The following ADAM32 variants were observed in gnomAD, a reference collection of about 807,000 sequenced individuals.
The protein encoded by ADAM32 is disintegrin and metalloproteinase domain-containing protein 32.
In ADAM32, 89 loss-of-function variants were observed where a neutral mutation model predicts 114.9. The observed-to-expected ratio is 0.77, with a 90% confidence interval of 0.65 to 0.92. ADAM32 has a LOEUF of 0.92. ADAM32 is among the 40% of genes least tolerant of loss of function. The pLI, the probability that ADAM32 is intolerant of heterozygous loss-of-function variation, is 0.00. For missense variants in ADAM32, 870 were observed against 932.8 expected (o/e 0.93, Z 0.88); for synonymous variants, 285 against 307.5 (o/e 0.93, Z 0.77).
At chr8:39,216,550 A>G (rs1180147314) in intron 12 of ADAM32, among the ~76,000 whole-genome samples, 1 of 150,670 alleles carries the variant, frequency 6.6e-6, no homozygotes, top group Non-Finnish European at 1.5e-5. Context: ...CATTTTAGTA[A>G]AGGTGATTTT....
chr8:39,107,830 CCCGGTGAG>C lies in ADAM32; in HGVS notation c.58_58+7del. 3 of 1,545,198 alleles carry C rather than the reference CCCGGTGAG, an allele frequency of 1.9e-6. No individual in the cohort carries two copies. The highest frequency in any genetic ancestry group is 2.6e-6 in the Non-Finnish European group (3 of 1,144,380). On this transcript the variant is annotated splice_donor_variant and splice_donor_5th_base_variant and coding_sequence_variant and intron_variant, in exon 1 of 25. Transcript: ENST00000379907. LOFTEE classifies it high-confidence loss of function. ...GCTCTGCGGCCTCCTGGCGTCAAGA[CCCGGTGAG>C]CCAGCCCAGACCCTGACACTAGTCC... is the stretch of plus-strand genomic sequence containing the variant.
At chr8:39,174,043 T>C (rs1382189940) in intron 10 of ADAM32, among the ~76,000 whole-genome samples, 1 of 152,228 alleles carries the variant, frequency 6.6e-6, no homozygotes, top group African/African-American at 2.4e-5. Context: ...CAGGCTGGTC[T>C]CCAACTCCTG....
chr8:39,236,967 A>G (rs1040629413), intron 16 of ADAM32, among the ~76,000 whole-genome samples: 2 of 152,180 alleles, frequency 1.3e-5, no homozygotes, highest in African/African-American at 2.4e-5. Context: ...TAAAGAATTC[A>G]CAGACCCTTC....
chr8:39,235,025 A>G (rs1016931755), intron 16 of ADAM32, among the ~76,000 whole-genome samples: 2 of 151,456 alleles, frequency 1.3e-5, no homozygotes, highest in African/African-American at 2.4e-5. Context: ...CTGACTCTTC[A>G]TTCCTGTGTC....
rs557488667 is a variant in ADAM32 at position 39,180,145 on chromosome 8, C to T, written c.916-6764C>T. Among the ~76,000 whole-genome samples the T allele has an allele frequency of 2.2e-4, 33 of 152,296 alleles. No homozygotes were observed. The South Asian group carries it at 3.9e-3, about 18-fold the overall frequency. On this transcript the variant is annotated intron_variant, in intron 10 of 24. Transcript: ENST00000379907. ...GGCGCGAGTGGGAACTGGGGCTGCGCGCAGCGCTTGCGGGCCAGCTGGAGT... is the reference window on the plus strand; with the variant it reads ...GGCGCGAGTGGGAACTGGGGCTGCGTGCAGCGCTTGCGGGCCAGCTGGAGT...
At chr8:39,233,394 A>T (rs992623641) in intron 15 of ADAM32, among the ~76,000 whole-genome samples, 1 of 152,190 alleles carries the variant, frequency 6.6e-6, no homozygotes, top group Non-Finnish European at 1.5e-5. Flanking sequence ...TGGCATTTGT[A>T]AACTGTCATG....
chr8:39,143,684 A>T (rs1325513234), intron 3 of ADAM32, among the ~76,000 whole-genome samples: 2 of 152,122 alleles, frequency 1.3e-5, no homozygotes, highest in African/African-American at 4.8e-5. Flanking sequence ...CCACTTGAGG[A>T]GGCAGTCTGT....
At chr8:39,219,248 C>G (rs1317129215) in intron 12 of ADAM32, among the ~76,000 whole-genome samples, 1 of 152,122 alleles carries the variant, frequency 6.6e-6, no homozygotes, top group Non-Finnish European at 1.5e-5. Flanking sequence ...CAAGTGTTCT[C>G]TTAGCTTCCC....
intron 1 of ADAM32, among the ~76,000 whole-genome samples, chr8:39,116,772 T>C (rs1260311934): frequency 1.3e-5 from 2 of 152,194 alleles, no homozygotes; most frequent in East Asian, 3.8e-4. Flanking sequence ...TCTAGCGCTA[T>C]GTTGAATGGG....
At chr8:39,119,234 G>A (rs1406890119) in intron 2 of ADAM32, among the ~76,000 whole-genome samples, 1 of 152,152 alleles carries the variant, frequency 6.6e-6, no homozygotes, top group Non-Finnish European at 1.5e-5. Flanking sequence ...ATTCTTAGGA[G>A]TGAAATTGCT....
rs932538097 is a variant in ADAM32, at chr8:39,215,575, T to C, written c.1233+4251T>C. On this transcript the variant is annotated intron_variant, in intron 12 of 24. Coordinates refer to ENST00000379907, the MANE Select transcript of ADAM32 (RefSeq NM_145004.7). The stretch of plus-strand genomic sequence containing the variant: ...TTTTGCTCTATCCCATAGGTTTTGG[T>C]ATGTTGTATTTCCATTATCATTTGT... 5.9e-5 allele frequency among the ~76,000 whole-genome samples: 9 copies of C among 152,090 alleles called. No homozygotes were observed. In the East Asian group the frequency reaches 1.3e-3, roughly 23 times the overall value.
intron 1 of ADAM32, 82 bp downstream of exon 1, chr8:39,107,915 T>C (rs1416578926): frequency 1.4e-6 from 2 of 1,432,602 alleles, no homozygotes; most frequent in African/African-American, 2.9e-5. Flanking sequence ...GGGCCCTCCC[T>C]GTCTGGGTCC....
intron 10 of ADAM32, among the ~76,000 whole-genome samples, chr8:39,174,820 A>G (rs1193607703): frequency 1.3e-5 from 2 of 152,244 alleles, no homozygotes; most frequent in East Asian, 1.9e-4. Flanking sequence ...ATTTATGAAC[A>G]TGGAATATTT....
chr8:39,155,822 A>G (rs2129445752), intron 6 of ADAM32, among the ~76,000 whole-genome samples: 1 of 150,982 alleles, frequency 6.6e-6, no homozygotes, highest in Non-Finnish European at 1.5e-5. Context: ...TTCCCTTCTC[A>G]TTTATTTTTC....
chr8:39,187,370 C>T (rs2129447222), intron 11 of ADAM32, among the ~76,000 whole-genome samples: 1 of 152,318 alleles, frequency 6.6e-6, no homozygotes, highest in African/African-American at 2.4e-5. Flanking sequence ...CTCCCGGGTT[C>T]ACACCATTCT....
At chr8:39,121,535 C>T (rs1284267648) in intron 2 of ADAM32, among the ~76,000 whole-genome samples, 2 of 152,054 alleles carry the variant, frequency 1.3e-5, no homozygotes, top group Non-Finnish European at 2.9e-5. Flanking sequence ...ACCACCATGG[C>T]ACGTGCATAC....
intron 19 of ADAM32, among the ~76,000 whole-genome samples, chr8:39,258,875 A>G (rs1811831391): frequency 6.6e-6 from 1 of 152,064 alleles, no homozygotes; most frequent in South Asian, 2.1e-4. Context: ...TTTTAGTTAA[A>G]TTTTCTTGAT....
At chr8:39,230,947 A>C (rs1416275633) in intron 14 of ADAM32, among the ~76,000 whole-genome samples, 1 of 152,164 alleles carries the variant, frequency 6.6e-6, no homozygotes, top group East Asian at 1.9e-4. Context: ...GGAGAAGGTA[A>C]CTGTGGTAGG....
At chr8:39,114,439 G>A (rs1339522318) in intron 1 of ADAM32, among the ~76,000 whole-genome samples, 1 of 152,212 alleles carries the variant, frequency 6.6e-6, no homozygotes, top group South Asian at 2.1e-4. Flanking sequence ...GTGAGTCCTC[G>A]TGGTGATTGC....
Sources: gnomAD v4.1 joint callset for allele counts (sites outside exome capture counted in the v4.1 genomes callset) on GRCh38, gnomAD v4.1.1 for gene constraint, MANE v1.5 for transcripts, NCBI Gene and HGNC (gene_info 2026-07-23, HGNC 2026-07-21) for gene names.